LARGE1: variants seen among roughly 807,000 people sequenced by gnomAD.
LARGE1 encodes the protein LARGE xylosyl- and glucuronyltransferase 1.
LARGE1 carries 43 observed loss-of-function variants against 87.6 expected under a neutral mutation model. The ratio of observed to expected loss-of-function variants is 0.49; its 90% confidence interval spans 0.38 to 0.63. The LOEUF is 0.63. Ranked by LOEUF, LARGE1 falls within the 30% of genes least tolerant of loss-of-function variation. LARGE1 has a pLI of 0.00. For synonymous variants in LARGE1, 434 were observed against 394.6 expected (o/e 1.10, Z -1.18); for missense variants, 802 against 1,000.2 (o/e 0.80, Z 2.67).
intron 1 of LARGE1, among the ~76,000 whole-genome samples, chr22:33,840,876 G>C (rs918780868): frequency 6.6e-6 from 1 of 152,106 alleles, no homozygotes; most frequent in African/African-American, 2.4e-5. Context: ...ACCCGCCTCA[G>C]CCTCCCAAAG....
rs10674621 is a variant in LARGE1 at position 33,551,993 on chromosome 22, CA to C, written c.787+12854del. 1.3e-3 allele frequency among the ~76,000 whole-genome samples: 93 copies of C among 72,870 alleles called. No individual in the cohort carries two copies. The East Asian group carries it at 0.013, about 10-fold the overall frequency. The allele number at this position is 72,870 out of a possible 152,430, so 47.8% of individuals were successfully genotyped here. A position where few individuals can be genotyped will look rare whatever the true frequency, so the allele number is the denominator to read the frequency against. On this transcript the variant is annotated intron_variant, in intron 6 of 14. Coordinates refer to ENST00000397394, the MANE Select transcript of LARGE1 (RefSeq NM_133642.5). ...TGGGCGACAGAGCAAGGCTCCGTCTCAAAAAAAAAAAAAAAAAAAAAAGTGA... is the reference window on the plus strand; with the variant it reads ...TGGGCGACAGAGCAAGGCTCCGTCTCAAAAAAAAAAAAAAAAAAAAAGTGA...
chr22:33,227,339 C>CGG (rs1182541892), intron 11 of LARGE1, among the ~76,000 whole-genome samples: 14 of 152,238 alleles, frequency 9.2e-5, no homozygotes, highest in African/African-American at 3.1e-4. Context: ...GAGGGAGGGC[C>CGG]AATCCCAAGG....
intron 1 of LARGE1, among the ~76,000 whole-genome samples, chr22:33,844,047 C>G (rs2063357824): frequency 7.1e-6 from 1 of 140,924 alleles, no homozygotes; most frequent in Non-Finnish European, 1.5e-5. Context: ...CCACTGCACT[C>G]CAGCCTGGGT....
chr22:33,521,360 C>G (rs1361570058), intron 6 of LARGE1, among the ~76,000 whole-genome samples: 1 of 152,220 alleles, frequency 6.6e-6, no homozygotes, highest in Non-Finnish European at 1.5e-5. Context: ...GGGCTGGCTA[C>G]TATAGGGTGG....
chr22:33,264,457 G>A (rs550472910), intron 11 of LARGE1, among the ~76,000 whole-genome samples: 2 of 152,308 alleles, frequency 1.3e-5, no homozygotes, highest in African/African-American at 4.8e-5. Flanking sequence ...TCAGGAGTTG[G>A]AGACCAGCCT....
Position 33,473,544 on chromosome 22 carries a change from G to A in LARGE1, c.788-41279C>T, listed in dbSNP as rs575002960. ...ATTTTTGTATTTTTTTAGTAGAGAC[G>A]AGGTTTCACCCTGTTGGTCAGGCTG... is the stretch of plus-strand genomic sequence containing the variant. On this transcript the variant is annotated intron_variant, in intron 6 of 14. Coordinates refer to ENST00000397394, the MANE Select transcript of LARGE1 (RefSeq NM_133642.5). Among the ~76,000 whole-genome samples the A allele has an allele frequency of 4.6e-5, 7 of 152,132 alleles. 1 individual carries two copies. In the South Asian group the frequency reaches 1.5e-3, roughly 32 times the overall value.
intron 9 of LARGE1, among the ~76,000 whole-genome samples, chr22:33,339,027 AAT>A (rs1389008862): frequency 1.3e-5 from 2 of 152,034 alleles, no homozygotes; most frequent in Non-Finnish European, 2.9e-5. Flanking sequence ...AGGTGCTTGT[AAT>A]CCCAGCTACT....
chr22:33,102,906 C>T, the LARGE1 span, among the ~76,000 whole-genome samples: 1 of 152,086 alleles, frequency 6.6e-6, no homozygotes, highest in Admixed American at 6.5e-5. Context: ...CTGCCCATTT[C>T]CTGGATAACA....
At position 33,861,351 on chromosome 22, in the gene LARGE1, C is replaced by T. The variant is rs183108382; in HGVS notation, c.-83+58644G>A. 1.5e-3 allele frequency among the ~76,000 whole-genome samples: 224 copies of T among 152,182 alleles called. 1 individual carries two copies. The highest frequency in any genetic ancestry group is 4.8e-3 in the African/African-American group (201 of 41,518). ...TGCAAAAGGACCAAGCACTGCAACT[C>T]GGCTAGCTGTTCCTCACTCCCACTC... On this transcript the variant is annotated intron_variant, in intron 1 of 14. Transcript: ENST00000397394.
At chr22:33,628,140 A>C (rs2079984738) in intron 3 of LARGE1, among the ~76,000 whole-genome samples, 1 of 152,204 alleles carries the variant, frequency 6.6e-6, no homozygotes, top group Non-Finnish European at 1.5e-5. Context: ...AATGAGAAGC[A>C]TCATGAAAGC....
At chr22:33,472,329 A>G (rs909782185) in intron 6 of LARGE1, among the ~76,000 whole-genome samples, 3 of 152,238 alleles carry the variant, frequency 2.0e-5, no homozygotes, top group Admixed American at 2.0e-4. Flanking sequence ...AAAGAGAGAG[A>G]CAGGCATGCA....
At chr22:33,814,155 T>A (rs1022673120) in intron 1 of LARGE1, among the ~76,000 whole-genome samples, 1 of 152,148 alleles carries the variant, frequency 6.6e-6, no homozygotes. Flanking sequence ...AATTCCAGAA[T>A]GCTCTCCAAG....
intron 1 of LARGE1, among the ~76,000 whole-genome samples, chr22:33,798,560 C>T (rs1407675830): frequency 6.6e-6 from 1 of 152,204 alleles, no homozygotes; most frequent in South Asian, 2.1e-4. Flanking sequence ...TTTTCTCCAT[C>T]TTTACCAACA....
At chr22:33,175,504 A>C in intron 11 of LARGE1, among the ~76,000 whole-genome samples, 1 of 152,134 alleles carries the variant, frequency 6.6e-6, no homozygotes, top group Non-Finnish European at 1.5e-5. Context: ...ATTCCTATAC[A>C]CCAATAGCAG....
At position 33,274,461 on chromosome 22, in the gene LARGE1, G is replaced by A; in HGVS notation, c.2237C>T (p.Ala746Val). 1 of 1,614,218 alleles carries A rather than the reference G, an allele frequency of 6.2e-7. No individual in the cohort carries two copies. The highest frequency in any genetic ancestry group is 1.7e-5 in the Admixed American group (1 of 60,032). The change falls in exon 15 of 15, where the codon GCC (alanine) becomes GTC (valine). Residue 746 changes from alanine (A) to valine (V), a missense_variant. Transcript: ENST00000397394. Reference protein sequence around the residue: ...QDMSRRYGFAALKYLTAENNS With the variant: ...QDMSRRYGFAVLKYLTAENNS ...GTTCTCGGCTGTGAGATATTTCAGG[G>A]CAGCAAAGCCGTAGCGGCGGGACAT...
chr22:33,909,631 C>G (rs113310653), intron 1 of LARGE1, among the ~76,000 whole-genome samples: 1 of 152,018 alleles, frequency 6.6e-6, no homozygotes, highest in Non-Finnish European at 1.5e-5. Context: ...CTCTGACTTC[C>G]GGGTTCACGC....
chr22:33,591,415 G>A (rs62227098), intron 5 of LARGE1, among the ~76,000 whole-genome samples: 12,918 of 152,074 alleles, frequency 0.085, 674 homozygotes, highest in African/African-American at 0.14. Context: ...TGTCATTATT[G>A]ATTTGCATTT....
In LARGE1 at chr22:33,681,307, T is replaced by C. The variant is rs1157743340; in HGVS notation, c.107-30639A>G. Among the ~76,000 whole-genome samples the C allele has an allele frequency of 2.0e-5, 3 of 152,336 alleles. No homozygotes were observed. The East Asian group carries it at 5.8e-4, about 29-fold the overall frequency. ...CATTAGTTATTTGTGTAGAAAGTTATTAAAACAGGCATTGAAATGTTAATT... is the reference window on the plus strand; with the variant it reads ...CATTAGTTATTTGTGTAGAAAGTTACTAAAACAGGCATTGAAATGTTAATT... On this transcript the variant is annotated intron_variant, in intron 2 of 14. Coordinates refer to ENST00000397394, the MANE Select transcript of LARGE1 (RefSeq NM_133642.5).
At chr22:33,251,923 A>G (rs1036145054) in intron 11 of LARGE1, among the ~76,000 whole-genome samples, 1 of 152,194 alleles carries the variant, frequency 6.6e-6, no homozygotes, top group Non-Finnish European at 1.5e-5. Flanking sequence ...CAGTCCATAC[A>G]TCTCCATCTG....
Sources: allele counts gnomAD v4.1 joint callset (sites outside exome capture counted in the v4.1 genomes callset), GRCh38; gene constraint gnomAD v4.1.1; transcripts MANE v1.5; gene names NCBI Gene and HGNC (gene_info 2026-07-23, HGNC 2026-07-21).